FCGR2A: variants seen among roughly 807,000 people sequenced by gnomAD.
The protein encoded by FCGR2A is Fc gamma receptor IIa, also known as low affinity immunoglobulin gamma Fc region receptor II-a.
A neutral mutation model predicts 29.3 loss-of-function variants in FCGR2A; 18 were observed. That is an observed-to-expected ratio of 0.62 (90% confidence interval 0.43 to 0.91). FCGR2A has a LOEUF of 0.91. Ranked by LOEUF, FCGR2A falls within the 40% of genes least tolerant of loss-of-function variation. FCGR2A has a pLI of 0.00. For missense variants in FCGR2A, 287 were observed against 393.0 expected (o/e 0.73, Z 2.28); for synonymous variants, 126 against 144.8 (o/e 0.87, Z 0.93).
At chr1:161,515,258 A>G (rs555435004) in intron 6 of FCGR2A, among the ~76,000 whole-genome samples, 2 of 152,358 alleles carry the variant, frequency 1.3e-5, no homozygotes, top group South Asian at 2.1e-4. Context: ...TTCTAAACCT[A>G]TTAACCTCTT....
chr1:161,509,692 G>A, intron 3 of FCGR2A, 128 bp from the exon 4 acceptor site: 1 of 1,256,796 alleles, frequency 8.0e-7, no homozygotes. Context: ...GCTCACATCT[G>A]TCATGAAGCA....
chr1:161,509,387 G>C (rs1675617080), intron 3 of FCGR2A, among the ~76,000 whole-genome samples: 1 of 151,426 alleles, frequency 6.6e-6, no homozygotes, highest in Non-Finnish European at 1.5e-5. Context: ...AAAAAGGGGG[G>C]AAGAAGGCTC....
chr1:161,519,415 T>C lies in FCGR2A; in HGVS notation c.*1267T>C, dbSNP rs1368331119. ...GTTACAGGTTACATGAGAGCAATCATGTAAGTCTATATGACTTCAGAAATG... is the reference window on the plus strand; with the variant it reads ...GTTACAGGTTACATGAGAGCAATCACGTAAGTCTATATGACTTCAGAAATG... On this transcript the variant is annotated 3_prime_UTR_variant, in exon 7 of 7. Coordinates refer to ENST00000271450, the MANE Select transcript of FCGR2A (RefSeq NM_001136219.3). 5 of 152,474 alleles carry C rather than the reference T, an allele frequency of 3.3e-5. No individual in the cohort carries two copies. The highest frequency in any genetic ancestry group is 2.0e-4 in the Admixed American group (3 of 15,276). The allele number at this position is 152,474 out of a possible 1,614,324, so 9.4% of individuals were successfully genotyped here.
chr1:161,507,415 G>A (rs1391467746), intron 3 of FCGR2A, among the ~76,000 whole-genome samples: 2 of 152,136 alleles, frequency 1.3e-5, no homozygotes, highest in East Asian at 1.9e-4. Flanking sequence ...GAGCCACCAC[G>A]CCTGGCTTAG....
intron 2 of FCGR2A, 26 bp downstream of exon 2, chr1:161,506,033 A>G (rs370878367): frequency 2.0e-5 from 33 of 1,609,866 alleles, no homozygotes; most frequent in South Asian, 1.2e-4. Flanking sequence ...GCTTCCTTGT[A>G]TTGACAGTGT....
intron 1 of FCGR2A, 170 bp from the exon 2 acceptor site, chr1:161,505,817 G>C: frequency 1.3e-6 from 1 of 742,168 alleles, no homozygotes; most frequent in Non-Finnish European, 2.4e-6. Flanking sequence ...TGAGATAAAG[G>C]GGACATATGA....
At chr1:161,515,626 A>G (rs1457261912) in intron 6 of FCGR2A, among the ~76,000 whole-genome samples, 1 of 152,072 alleles carries the variant, frequency 6.6e-6, no homozygotes, top group Non-Finnish European at 1.5e-5. Context: ...AAAATGACTC[A>G]TCAAAAAGAA....
intron 4 of FCGR2A, chr1:161,510,341 G>A: frequency 7.3e-6 from 5 of 683,698 alleles, no homozygotes; most frequent in Non-Finnish European, 1.3e-5. Flanking sequence ...GTGAAGCAGA[G>A]CTCCCTCATT....
chr1:161,520,697 G>T (rs1676420287), downstream of FCGR2A, among the ~76,000 whole-genome samples: 1 of 151,410 alleles, frequency 6.6e-6, no homozygotes, highest in Non-Finnish European at 1.5e-5. Flanking sequence ...CCTCCTGACT[G>T]GCCTCCCTGC....
chr1:161,506,302 T>A, intron 2 of FCGR2A, 32 bp from the exon 3 acceptor site: 1 of 1,612,826 alleles, frequency 6.2e-7, no homozygotes, highest in Non-Finnish European at 8.5e-7. Flanking sequence ...CAGGGTTATT[T>A]ATTCCACACC....
downstream of FCGR2A, among the ~76,000 whole-genome samples, chr1:161,521,274 A>G (rs1025421025): frequency 6.6e-6 from 1 of 151,946 alleles, no homozygotes; most frequent in Non-Finnish European, 1.5e-5. Flanking sequence ...TGTTTTGTTC[A>G]CTACCACATA....
In FCGR2A at chr1:161,507,241, C is replaced by T. The variant is rs540717344; in HGVS notation, c.364+650C>T. 3.5e-3 allele frequency among the ~76,000 whole-genome samples: 535 copies of T among 151,446 alleles called. 1 individual carries two copies. The highest frequency in any genetic ancestry group is 5.8e-3 in the Non-Finnish European group (394 of 67,812). ...TAGATAGTATTTCTTTTTTTTTTCC[C>T]CCAAGTAGCTGGGACTCCAGGCACA... On this transcript the variant is annotated intron_variant, in intron 3 of 6. Coordinates refer to ENST00000271450, the MANE Select transcript of FCGR2A (RefSeq NM_001136219.3).
intron 5 of FCGR2A, 22 bp downstream of exon 5, chr1:161,510,978 C>G: frequency 6.2e-7 from 1 of 1,614,026 alleles, no homozygotes; most frequent in Non-Finnish European, 8.5e-7. Flanking sequence ...CTCCCAGTCC[C>G]TTTTGTTATC....
chr1:161,510,268 C>T, intron 4 of FCGR2A, 194 bp downstream of exon 4: 1 of 964,590 alleles, frequency 1.0e-6, no homozygotes, highest in Non-Finnish European at 1.5e-6. Context: ...CCTCACGTCC[C>T]AGGTAATAGG....
downstream of FCGR2A, among the ~76,000 whole-genome samples, chr1:161,520,892 T>C (rs565915490): frequency 4.0e-5 from 6 of 151,742 alleles, no homozygotes; most frequent in Non-Finnish European, 8.8e-5. Flanking sequence ...CTTCACTCTC[T>C]CTGACCTCAT....
chr1:161,522,747 A>G (rs1676504227), downstream of FCGR2A: 1 of 152,092 alleles, frequency 6.6e-6, no homozygotes, highest in South Asian at 2.1e-4. Flanking sequence ...CATATATTGC[A>G]CATTTCTTTA....
downstream of FCGR2A, among the ~76,000 whole-genome samples, chr1:161,522,588 GT>G (rs1187802821): frequency 6.6e-6 from 1 of 152,088 alleles, no homozygotes; most frequent in Non-Finnish European, 1.5e-5. Context: ...CTTGCAGGCC[GT>G]TGGCAAATGT....
intron 3 of FCGR2A, 110 bp downstream of exon 3, chr1:161,506,701 C>A: frequency 6.5e-7 from 1 of 1,542,354 alleles, no homozygotes; most frequent in South Asian, 1.2e-5. Flanking sequence ...TACTGGGAAG[C>A]ACTGTTGTGA....
rs1311550080 is a variant in FCGR2A at position 161,514,711 on chromosome 1, G to A, written c.780+779G>A. On this transcript the variant is annotated intron_variant, in intron 6 of 6. Transcript: ENST00000271450. Reference sequence around the variant, plus strand: ...AGCAGTTAATCTTGGTATTTGACAAGTTCATCTGTTTCCAACAGGAACTAT... The same window carrying A: ...AGCAGTTAATCTTGGTATTTGACAAATTCATCTGTTTCCAACAGGAACTAT... 3 of 152,752 alleles carry A rather than the reference G, an allele frequency of 2.0e-5. No individual in the cohort carries two copies. In the South Asian group the frequency reaches 6.4e-4, roughly 32 times the overall value. The allele number at this position is 152,752 out of a possible 1,614,324, so 9.5% of individuals were successfully genotyped here.
Sources: allele counts gnomAD v4.1 joint callset (sites outside exome capture counted in the v4.1 genomes callset), GRCh38; gene constraint gnomAD v4.1.1; transcripts MANE v1.5; gene names NCBI Gene and HGNC (gene_info 2026-07-23, HGNC 2026-07-21).